Variants in LUC7L3 observed in about 807,000 individuals in gnomAD.
LUC7L3 encodes the protein LUC7 like 3 pre-mRNA splicing factor, also known as luc7-like protein 3.
Under a neutral mutation model 66.8 loss-of-function variants are expected in LUC7L3, and 6 were observed. The ratio of observed to expected loss-of-function variants is 0.09; its 90% CI spans 0.05 to 0.18. The LOEUF is 0.18. Ranked by LOEUF, LUC7L3 falls within the 10% of genes least tolerant of loss-of-function variation. LUC7L3 has a pLI of 1.00. For synonymous variants in LUC7L3, 160 were observed against 174.7 expected, an observed-to-expected ratio of 0.92 and a Z score of 0.66; for missense variants, 341 against 531.1, an observed-to-expected ratio of 0.64 and a Z score of 3.52.
intron 5 of LUC7L3, 84 bp downstream of exon 5, chr17:50,741,815 T>C (rs1970364336): frequency 1.9e-6 from 2 of 1,059,856 alleles, no homozygotes; most frequent in Middle Eastern, 2.3e-4. Context: ...CCAGGCATGG[T>C]AACTCATGTG....
intron 5 of LUC7L3, among the ~76,000 whole-genome samples, chr17:50,742,001 A>C (rs1970376576): frequency 6.6e-6 from 1 of 152,142 alleles, no homozygotes; most frequent in South Asian, 2.1e-4. Context: ...GCTTAAGCCT[A>C]CAAGGGCGAG....
chr17:50,751,099 A>G lies in LUC7L3; in HGVS notation c.*438A>G, dbSNP rs1970958260. The stretch of plus-strand genomic sequence containing the variant: ...AGAGACATATGCTTTAAAAACTTAA[A>G]TATTTCGGAGGCACATGTTGGACTA... On this transcript the variant is annotated 3_prime_UTR_variant, in exon 10 of 10. Coordinates refer to ENST00000505658, the MANE Select transcript of LUC7L3 (RefSeq NM_016424.5). 1.4e-6 allele frequency: 2 copies of G among 1,443,116 alleles called. No homozygotes were observed. Among genetic ancestry groups the G allele is most frequent in the Non-Finnish European group, 1.8e-6 (2 of 1,106,504 alleles). The allele number at this position is 1,443,116 out of a possible 1,614,324, so 89.4% of individuals were successfully genotyped here.
chr17:50,752,074 A>G lies in LUC7L3; in HGVS notation c.*1413A>G. 2 of 1,166,110 alleles carry G rather than the reference A, an allele frequency of 1.7e-6. No individual in the cohort carries two copies. Among genetic ancestry groups the G allele is most frequent in the Non-Finnish European group, 2.1e-6 (2 of 930,370 alleles). The allele number at this position is 1,166,110 out of a possible 1,614,324, so 72.2% of individuals were successfully genotyped here. A position where few individuals can be genotyped will look rare whatever the true frequency, so the allele number is the denominator to read the frequency against. On this transcript the variant is annotated 3_prime_UTR_variant, in exon 10 of 10. Coordinates refer to ENST00000505658, the MANE Select transcript of LUC7L3 (RefSeq NM_016424.5). ...ACCACACTGATGCCTTGATAATTAA[A>G]AAGAATACAAGCATTCCATGTACAC...
chr17:50,720,815 T>C (rs114286526), intron 1 of LUC7L3, among the ~76,000 whole-genome samples: 305 of 152,354 alleles, frequency 2.0e-3, no homozygotes, highest in African/African-American at 7.0e-3. Context: ...TAAGGTAAAA[T>C]TTCTTTTTTG....
intron 1 of LUC7L3, among the ~76,000 whole-genome samples, chr17:50,725,494 G>T (rs952909567): frequency 6.6e-6 from 1 of 152,110 alleles, no homozygotes; most frequent in African/African-American, 2.4e-5. Context: ...GAGCCATCAT[G>T]TATTGGTGAC....
chr17:50,741,793 T>C, intron 5 of LUC7L3, 62 bp downstream of exon 5: 1 of 1,293,186 alleles, frequency 7.7e-7, no homozygotes, highest in South Asian at 1.2e-5. Context: ...CCAGCAAAAA[T>C]ACAAGGATGG....
chr17:50,735,230 CAAA>C (rs907051149), intron 1 of LUC7L3, among the ~76,000 whole-genome samples: 2 of 64,982 alleles, frequency 3.1e-5, no homozygotes, highest in Admixed American at 1.6e-4. Context: ...AACTCTGTCT[CAAA>C]AAAAAAAAAA....
chr17:50,746,423 A>ATGT (rs1376172832), intron 8 of LUC7L3, 119 bp from the exon 9 acceptor site: 1 of 856,384 alleles, frequency 1.2e-6, no homozygotes. Flanking sequence ...AAGATTTCTA[A>ATGT]TGTAAATATG....
At chr17:50,720,416 A>G (rs1395487971) in intron 1 of LUC7L3, among the ~76,000 whole-genome samples, 1 of 152,228 alleles carries the variant, frequency 6.6e-6, no homozygotes, top group African/African-American at 2.4e-5. Context: ...TCTTCCACAT[A>G]AAACTCATTT....
chr17:50,734,166 A>C (rs532033527), intron 1 of LUC7L3, among the ~76,000 whole-genome samples: 49 of 117,534 alleles, frequency 4.2e-4, no homozygotes, highest in South Asian at 1.3e-3. Flanking sequence ...ATCTTTTTTA[A>C]AACTTTTTTT....
chr17:50,729,896 TTATATATATA>T (rs1156777167), intron 1 of LUC7L3, among the ~76,000 whole-genome samples: 2,498 of 64,710 alleles, frequency 0.039, 58 homozygotes, highest in South Asian at 0.047. Flanking sequence ...TATAAATACA[TTATATATATA>T]TATATATATA....
chr17:50,736,749 C>T, intron 1 of LUC7L3: 1 of 470,496 alleles, frequency 2.1e-6, no homozygotes, highest in Non-Finnish European at 3.7e-6. Context: ...AAAGAAAATA[C>T]TAGTAATACG....
chr17:50,724,689 A>C (rs184276559), intron 1 of LUC7L3, among the ~76,000 whole-genome samples: 1 of 150,450 alleles, frequency 6.6e-6, no homozygotes, highest in Admixed American at 6.7e-5. Context: ...CAAAAGGAGA[A>C]GGTAGCTTAA....
Position 50,746,605 on chromosome 17 carries a change from T to TCGGGATCGAAGAAGATCAAAAAGC in LUC7L3, c.1052_1075dup (p.Arg351_Arg358dup). The TCGGGATCGAAGAAGATCAAAAAGC allele has an allele frequency of 6.2e-7, 1 of 1,614,096 alleles. No individual in the cohort carries two copies. ...CAGAAAGAAAACACAGATCTCGAAG[T>TCGGGATCGAAGAAGATCAAAAAGC]CGGGATCGAAGAAGATCAAAAAGCC... On this transcript the variant is annotated inframe_insertion, in exon 9 of 10. Coordinates refer to ENST00000505658, the MANE Select transcript of LUC7L3 (RefSeq NM_016424.5).
chr17:50,720,877 AAG>A (rs201146296), intron 1 of LUC7L3, among the ~76,000 whole-genome samples: 3 of 152,202 alleles, frequency 2.0e-5, no homozygotes, highest in East Asian at 3.8e-4. Flanking sequence ...GACTTTAAGA[AAG>A]AGTAAGTTTG....
chr17:50,744,992 G>A (rs935378769), intron 7 of LUC7L3, among the ~76,000 whole-genome samples, 179 bp downstream of exon 7: 1 of 151,458 alleles, frequency 6.6e-6, no homozygotes, highest in African/African-American at 2.4e-5. Context: ...TTGTTTGTTT[G>A]TTTGTTTGTT....
At chr17:50,736,312 T>G (rs1969981010) in intron 1 of LUC7L3, among the ~76,000 whole-genome samples, 1 of 152,238 alleles carries the variant, frequency 6.6e-6, no homozygotes, top group African/African-American at 2.4e-5. Context: ...TGGGAGAGAA[T>G]TAAACATTGG....
intron 1 of LUC7L3, among the ~76,000 whole-genome samples, chr17:50,720,396 C>G (rs1968667819): frequency 6.6e-6 from 1 of 152,240 alleles, no homozygotes; most frequent in Admixed American, 6.5e-5. Context: ...AGGCAGCTGT[C>G]AAGGTTTTTT....
chr17:50,729,896 T>TTATATATATA (rs1156777167), intron 1 of LUC7L3, among the ~76,000 whole-genome samples: 10 of 65,568 alleles, frequency 1.5e-4, no homozygotes, highest in South Asian at 5.5e-4. Flanking sequence ...TATAAATACA[T>TTATATATATA]TATATATATA....
Sources: allele counts gnomAD v4.1 joint callset (sites outside exome capture counted in the v4.1 genomes callset), GRCh38; gene constraint gnomAD v4.1.1; transcripts MANE v1.5; gene names NCBI Gene and HGNC (gene_info 2026-07-23, HGNC 2026-07-21).